SAMMSON: variants seen among roughly 807,000 people sequenced by gnomAD.
SAMMSON encodes the protein survival associated mitochondrial melanoma specific oncogenic non-coding RNA.
intron 4 of SAMMSON, among the ~76,000 whole-genome samples, chr3:70,082,502 G>C (rs915366629): frequency 6.6e-6 from 1 of 152,088 alleles, no homozygotes; most frequent in Non-Finnish European, 1.5e-5. Flanking sequence ...AATTATTGCC[G>C]GTAAATTCTC....
At chr3:70,387,371 G>C (rs1041432876) in intron 9 of SAMMSON, among the ~76,000 whole-genome samples, 9 of 151,954 alleles carry the variant, frequency 5.9e-5, no homozygotes, top group African/African-American at 2.2e-4. Flanking sequence ...TTATGAAGGA[G>C]ACTCTGTCCT....
intron 6 of SAMMSON, among the ~76,000 whole-genome samples, chr3:70,257,899 A>T (rs890300709): frequency 6.6e-6 from 1 of 152,206 alleles, no homozygotes; most frequent in Non-Finnish European, 1.5e-5. Flanking sequence ...TATAATAATC[A>T]TGACAGCATG....
intron 6 of SAMMSON, among the ~76,000 whole-genome samples, chr3:70,267,700 G>C (rs1273794413): frequency 6.6e-6 from 1 of 151,686 alleles, no homozygotes; most frequent in Non-Finnish European, 1.5e-5. Flanking sequence ...ACAGGCGAGA[G>C]CCACCCCGCC....
At chr3:70,174,222 T>G (rs1038576544) in intron 4 of SAMMSON, among the ~76,000 whole-genome samples, 1 of 152,062 alleles carries the variant, frequency 6.6e-6, no homozygotes, top group Non-Finnish European at 1.5e-5. Flanking sequence ...GAGTGTTTAT[T>G]AAGATGGTAT....
chr3:70,390,698 T>TCACCTCCAC (rs1350142853), downstream of SAMMSON, among the ~76,000 whole-genome samples: 4 of 152,006 alleles, frequency 2.6e-5, no homozygotes, highest in Non-Finnish European at 4.4e-5. Flanking sequence ...CCCACCTCCA[T>TCACCTCCAC]CACCTCCACC....
At chr3:70,279,061 T>A (rs1233526834) in intron 6 of SAMMSON, among the ~76,000 whole-genome samples, 1 of 150,428 alleles carries the variant, frequency 6.6e-6, no homozygotes, top group Non-Finnish European at 1.5e-5. Context: ...CTCCCTTTCC[T>A]AACATCTTCT....
At chr3:70,081,109 GTTTTGT>G (rs772446220) in intron 4 of SAMMSON, among the ~76,000 whole-genome samples, 1 of 152,144 alleles carries the variant, frequency 6.6e-6, no homozygotes, top group Admixed American at 6.5e-5. Context: ...CTTTGTTGTT[GTTTTGT>G]TTTTGTTTTT....
At position 70,350,271 on chromosome 3, in the gene SAMMSON, A is replaced by G. The variant is rs182152723; in HGVS notation, n.740-3904A>G. 1.2e-3 allele frequency among the ~76,000 whole-genome samples: 189 copies of G among 152,330 alleles called. 3 individuals are homozygous for G. The highest frequency in any genetic ancestry group is 2.2e-4 in the Non-Finnish European group (15 of 68,012). ...CTCCCAAATATTCTATACCAAAGCTACGTTTTCTGGCTAAAGAATAACCTT... is the reference window on the plus strand; with the variant it reads ...CTCCCAAATATTCTATACCAAAGCTGCGTTTTCTGGCTAAAGAATAACCTT... On this transcript the variant is annotated intron_variant and non_coding_transcript_variant, in intron 7 of 9. Transcript: ENST00000642114.
chr3:70,139,080 A>G lies in SAMMSON; in HGVS notation n.507+67515A>G, dbSNP rs562679589. Among the ~76,000 whole-genome samples the G allele has an allele frequency of 9.2e-5, 14 of 152,314 alleles. 1 individual carries two copies. Among genetic ancestry groups the G allele is most frequent in the African/African-American group, 3.4e-4 (14 of 41,568 alleles). On this transcript the variant is annotated intron_variant and non_coding_transcript_variant, in intron 4 of 9. Transcript: ENST00000642114. ...CTTCAATACAGTAATCACTAACCAC[A>G]CTTGAAATGTGCTATTCCAGATGTG...
intron 4 of SAMMSON, among the ~76,000 whole-genome samples, chr3:70,213,060 T>TG (rs1442495186): frequency 1.4e-4 from 21 of 152,018 alleles, no homozygotes; most frequent in African/African-American, 5.1e-4. Flanking sequence ...TCACCTGCCT[T>TG]GGCCTCCCAA....
At position 70,254,816 on chromosome 3, in the gene SAMMSON, T is replaced by A. The variant is rs149762008; in HGVS notation, n.674+5146T>A. Among the ~76,000 whole-genome samples the A allele has an allele frequency of 2.4e-3, 358 of 152,324 alleles. 1 individual carries two copies. Among genetic ancestry groups the A allele is most frequent in the Non-Finnish European group, 4.0e-3 (273 of 68,020 alleles). ...TCTTGTGCATTCTTCTATACAAGAT[T>A]TATGCATACATGTCTTTATTTATGC... On this transcript the variant is annotated intron_variant and non_coding_transcript_variant, in intron 6 of 9. Coordinates refer to ENST00000642114, the Ensembl canonical transcript of SAMMSON.
intron 4 of SAMMSON, among the ~76,000 whole-genome samples, chr3:70,216,100 G>A (rs2106733045): frequency 6.6e-6 from 1 of 151,838 alleles, no homozygotes; most frequent in East Asian, 1.9e-4. Context: ...TCACAAAAAT[G>A]TAAATATCTG....
intron 7 of SAMMSON, chr3:70,312,018 C>A (rs554075789): frequency 4.4e-4 from 175 of 397,104 alleles, no homozygotes; most frequent in Non-Finnish European, 3.1e-4. Flanking sequence ...CATTAAGAAC[C>A]CAAATTTATA....
At chr3:70,041,261 T>A (rs933310949) in intron 3 of SAMMSON, among the ~76,000 whole-genome samples, 3 of 152,090 alleles carry the variant, frequency 2.0e-5, no homozygotes, top group African/African-American at 7.2e-5. Flanking sequence ...ATCCACAGGT[T>A]TGGAAAGTGG....
chr3:70,372,489 G>A (rs1208964572), intron 9 of SAMMSON, among the ~76,000 whole-genome samples: 6 of 151,774 alleles, frequency 4.0e-5, no homozygotes, highest in African/African-American at 7.3e-5. Context: ...TAGTAGAGAC[G>A]GGGTTTCACC....
chr3:70,324,193 A>G (rs1408413057), intron 7 of SAMMSON, among the ~76,000 whole-genome samples: 1 of 43,658 alleles, frequency 2.3e-5, no homozygotes, highest in Non-Finnish European at 5.4e-5. Flanking sequence ...CTATCTATCT[A>G]TCTATCATCT....
chr3:70,271,520 A>G (rs1390527107), intron 6 of SAMMSON, among the ~76,000 whole-genome samples: 4 of 152,238 alleles, frequency 2.6e-5, no homozygotes, highest in African/African-American at 9.6e-5. Flanking sequence ...ACTATTTAAC[A>G]AACATCACCC....
At chr3:70,270,573 A>G (rs1231535132) in intron 6 of SAMMSON, among the ~76,000 whole-genome samples, 2 of 152,162 alleles carry the variant, frequency 1.3e-5, no homozygotes, top group African/African-American at 4.8e-5. Flanking sequence ...CAGTGTTTGC[A>G]GAAAGTTGGC....
chr3:70,087,257 A>G (rs768986396), intron 4 of SAMMSON, among the ~76,000 whole-genome samples: 4 of 152,184 alleles, frequency 2.6e-5, no homozygotes, highest in Non-Finnish European at 5.9e-5. Context: ...TTCTATTTTG[A>G]CCAAGTCTCA....
Sources: allele counts gnomAD v4.1 joint callset (sites outside exome capture counted in the v4.1 genomes callset), GRCh38; gene constraint gnomAD v4.1.1; transcripts MANE v1.5; gene names NCBI Gene and HGNC (gene_info 2026-07-23, HGNC 2026-07-21).